Variants in PBX3 observed in about 807,000 individuals in gnomAD.
The protein encoded by PBX3 is pre-B-cell leukemia transcription factor 3.
Under a neutral mutation model 48.5 loss-of-function variants are expected in PBX3, and 14 were observed. That is an observed-to-expected ratio of 0.29 (90% CI 0.19 to 0.45). PBX3 has a LOEUF of 0.45. Among genes scored for constraint, PBX3 ranks in the 20% least tolerant of loss-of-function variants. The pLI is 1.00. For synonymous variants in PBX3, 210 were observed against 200.3 expected (o/e 1.05, Z -0.41); for missense variants, 386 against 546.7 (o/e 0.71, Z 2.93).
chr9:125,842,072 A>G (rs1275469359), intron 2 of PBX3, among the ~76,000 whole-genome samples: 4 of 152,170 alleles, frequency 2.6e-5, no homozygotes, highest in Non-Finnish European at 4.4e-5. Flanking sequence ...ACTTTCATTT[A>G]TATCTGTGTA....
At chr9:125,906,955 CA>C (rs1193756696) in intron 2 of PBX3, among the ~76,000 whole-genome samples, 8 of 151,976 alleles carry the variant, frequency 5.3e-5, no homozygotes, top group African/African-American at 1.9e-4. Context: ...TATTTCAGAA[CA>C]AATCAACAGC....
At chr9:125,836,728 A>G (rs1399750395) in intron 2 of PBX3, among the ~76,000 whole-genome samples, 2 of 152,230 alleles carry the variant, frequency 1.3e-5, no homozygotes, top group African/African-American at 4.8e-5. Flanking sequence ...CCCTGATTTG[A>G]TTATTACACA....
chr9:125,883,077 G>T (rs1158462845), intron 2 of PBX3, among the ~76,000 whole-genome samples: 3 of 152,300 alleles, frequency 2.0e-5, no homozygotes, highest in Admixed American at 2.0e-4. Context: ...TGCCTACTTA[G>T]ATTTAAATTT....
intron 2 of PBX3, among the ~76,000 whole-genome samples, chr9:125,812,075 A>G (rs1449952612): frequency 2.6e-5 from 4 of 152,198 alleles, no homozygotes; most frequent in Non-Finnish European, 5.9e-5. Context: ...TATGAAGTAG[A>G]TTGAGCTTTC....
At chr9:125,837,319 AAAT>A (rs1839165972) in intron 2 of PBX3, among the ~76,000 whole-genome samples, 1 of 151,336 alleles carries the variant, frequency 6.6e-6, no homozygotes, top group South Asian at 2.1e-4. Context: ...GATATAGGAA[AAAT>A]AATAGAAATG....
intron 2 of PBX3, among the ~76,000 whole-genome samples, chr9:125,880,025 CT>C (rs1241791080): frequency 1.3e-5 from 2 of 152,222 alleles, no homozygotes; most frequent in Non-Finnish European, 2.9e-5. Context: ...ATAATAGTAG[CT>C]GTTGTTGACA....
At chr9:125,815,270 GTTC>G (rs1371502857) in intron 2 of PBX3, among the ~76,000 whole-genome samples, 10 of 152,284 alleles carry the variant, frequency 6.6e-5, no homozygotes, top group African/African-American at 2.4e-4. Flanking sequence ...ACCTCTTGCT[GTTC>G]TTCTCCTTCC....
At position 125,967,103 on chromosome 9, in the gene PBX3, AAGC is replaced by A. The variant is rs879211719; in HGVS notation, c.*1184_*1186del. 1.8e-4 allele frequency: 28 copies of A among 151,574 alleles called. No individual in the cohort carries two copies. In the South Asian group the frequency reaches 4.2e-3, roughly 22 times the overall value. 9.4% of individuals were successfully genotyped at this position (151,574 alleles called of 1,614,324 possible). A position where few individuals can be genotyped will look rare whatever the true frequency, so the allele number is the denominator to read the frequency against. On this transcript the variant is annotated 3_prime_UTR_variant, in exon 9 of 9. Coordinates refer to ENST00000373489, the MANE Select transcript of PBX3 (RefSeq NM_006195.6). ...CTAATCCATGCAAAAAAAAAAAAAA[AAGC>A]AGCGACTAATTGTGATGCATTCAGA...
intron 2 of PBX3, among the ~76,000 whole-genome samples, chr9:125,779,869 G>T (rs1837197472): frequency 7.4e-6 from 1 of 135,818 alleles, no homozygotes; most frequent in Non-Finnish European, 1.6e-5. Flanking sequence ...CCCGGACGGG[G>T]CGGCTGGCCG....
intron 2 of PBX3, chr9:125,843,924 T>G (rs1839356242): frequency 2.1e-5 from 7 of 331,296 alleles, no homozygotes; most frequent in Non-Finnish European, 4.5e-5. Context: ...GAGGTGAGAT[T>G]GAAGTGAAAT....
rs545150215 is a variant in PBX3 at position 125,837,199 on chromosome 9, A to G, written c.275-78487A>G. On this transcript the variant is annotated intron_variant, in intron 2 of 8. Coordinates refer to ENST00000373489, the MANE Select transcript of PBX3 (RefSeq NM_006195.6). ...TAGTACTATGCAGCCTGTCAAAGAG[A>G]ATGATGAAGCTCTGTATGCACTAAT... 5.3e-5 allele frequency among the ~76,000 whole-genome samples: 8 copies of G among 152,202 alleles called. No homozygotes were observed. In the East Asian group the frequency reaches 1.5e-3, roughly 29 times the overall value.
intron 2 of PBX3, among the ~76,000 whole-genome samples, chr9:125,801,838 T>C (rs987912108): frequency 4.1e-5 from 6 of 145,422 alleles, no homozygotes; most frequent in African/African-American, 1.3e-4. Flanking sequence ...TTCTTAACTT[T>C]CTGAATCATT....
At chr9:125,930,877 C>T (rs999853832) in intron 4 of PBX3, among the ~76,000 whole-genome samples, 1 of 152,172 alleles carries the variant, frequency 6.6e-6, no homozygotes, top group African/African-American at 2.4e-5. Flanking sequence ...AGTAGCTTTC[C>T]AATGCTCGAT....
chr9:125,877,139 T>C (rs970927193), intron 2 of PBX3, among the ~76,000 whole-genome samples: 2 of 152,004 alleles, frequency 1.3e-5, no homozygotes, highest in Admixed American at 1.3e-4. Context: ...ACAATTTCTC[T>C]CTCCCCTAGA....
rs141098341 is a variant in PBX3, at chr9:125,810,924, G to A, written c.274+62301G>A. On this transcript the variant is annotated intron_variant, in intron 2 of 8. Transcript: ENST00000373489. ...ATGCGAGGTGTGGTATCTGTGCCCA[G>A]TGGTAGTCTTCCATGAGGATTTGGT... 3.6e-3 allele frequency among the ~76,000 whole-genome samples: 542 copies of A among 152,310 alleles called. 1 individual carries two copies. Among genetic ancestry groups the A allele is most frequent in the Middle Eastern group, 0.02 (6 of 294 alleles).
At chr9:125,916,040 A>G in intron 3 of PBX3, 113 bp downstream of exon 3, 1 of 1,410,642 alleles carries the variant, frequency 7.1e-7, no homozygotes, top group Non-Finnish European at 9.5e-7. Context: ...AAATTACAAA[A>G]TAAATAAGGT....
At chr9:125,784,341 C>T (rs1588143761) in intron 2 of PBX3, among the ~76,000 whole-genome samples, 1 of 152,134 alleles carries the variant, frequency 6.6e-6, no homozygotes, top group Admixed American at 6.5e-5. Flanking sequence ...GTTGGCCAGG[C>T]TGGTCTTGAA....
At chr9:125,781,861 T>C (rs1837328655) in intron 2 of PBX3, among the ~76,000 whole-genome samples, 1 of 152,188 alleles carries the variant, frequency 6.6e-6, no homozygotes, top group African/African-American at 2.4e-5. Context: ...AGCATTGCTT[T>C]TGCTATATAA....
At chr9:125,902,548 T>C (rs1840971985) in intron 2 of PBX3, among the ~76,000 whole-genome samples, 1 of 151,732 alleles carries the variant, frequency 6.6e-6, no homozygotes, top group Non-Finnish European at 1.5e-5. Flanking sequence ...ATTTAATTTG[T>C]AGTATCACTA....
Sources: allele counts gnomAD v4.1 joint callset (sites outside exome capture counted in the v4.1 genomes callset), GRCh38; gene constraint gnomAD v4.1.1; transcripts MANE v1.5; gene names NCBI Gene and HGNC (gene_info 2026-07-23, HGNC 2026-07-21).